The following CENPW variants were observed in gnomAD, a reference collection of about 807,000 sequenced individuals.
CENPW encodes cancer-up-regulated gene 2 protein.
A neutral mutation model predicts 11.1 loss-of-function variants in CENPW; 3 were observed. The observed-to-expected ratio is 0.27, with a 90% CI of 0.12 to 0.70. The LOEUF (loss-of-function observed/expected upper bound fraction) is 0.70. Ranked by LOEUF, CENPW falls within the 30% of genes least tolerant of loss-of-function variation. CENPW has a pLI of 0.77. For synonymous variants in CENPW, 38 were observed against 42.0 expected (o/e 0.91, Z 0.37); for missense variants, 100 against 105.6 (o/e 0.95, Z 0.23).
the CENPW span, among the ~76,000 whole-genome samples, chr6:126,428,032 C>G: frequency 5.3e-5 from 8 of 152,222 alleles, no homozygotes; most frequent in African/African-American, 1.9e-4. Context: ...ATGCTCTGCA[C>G]TAGCAATAGG....
chr6:126,378,838 G>GA, the CENPW span, among the ~76,000 whole-genome samples: 1 of 151,782 alleles, frequency 6.6e-6, no homozygotes, highest in Non-Finnish European at 1.5e-5. Flanking sequence ...TATTCTTTAA[G>GA]AAAAAAATCA....
chr6:126,451,981 A>G, the CENPW span, among the ~76,000 whole-genome samples: 1 of 150,742 alleles, frequency 6.6e-6, no homozygotes, highest in Admixed American at 6.6e-5. Context: ...TAACCAATAG[A>G]CCCCCCACCC....
At chr6:126,413,314 G>A in the CENPW span, among the ~76,000 whole-genome samples, 11 of 152,016 alleles carry the variant, frequency 7.2e-5, no homozygotes, top group African/African-American at 2.7e-4. Context: ...CACAAAGGGA[G>A]AATTCTAAAA....
chr6:126,363,953 C>A, the CENPW span, among the ~76,000 whole-genome samples: 2 of 152,292 alleles, frequency 1.3e-5, no homozygotes, highest in East Asian at 3.9e-4. Context: ...GGGACCTTCT[C>A]AAATTGTACT....
intron 1 of CENPW, among the ~76,000 whole-genome samples, chr6:126,342,587 T>G (rs1221543124): frequency 6.6e-6 from 1 of 152,130 alleles, no homozygotes; most frequent in African/African-American, 2.4e-5. Flanking sequence ...CTTGAAGATG[T>G]CTTCACTCTA....
At chr6:126,359,737 A>T in the CENPW span, among the ~76,000 whole-genome samples, 1 of 149,934 alleles carries the variant, frequency 6.7e-6, no homozygotes, top group African/African-American at 2.4e-5. Flanking sequence ...CAAGAATAGC[A>T]ACTCCTGCTT....
At chr6:126,375,569 G>A in the CENPW span, among the ~76,000 whole-genome samples, 1 of 152,006 alleles carries the variant, frequency 6.6e-6, no homozygotes, top group African/African-American at 2.4e-5. Flanking sequence ...TCCCGTCTTT[G>A]CTCTCCACAT....
chr6:126,376,556 TAG>T, the CENPW span, among the ~76,000 whole-genome samples: 1 of 152,018 alleles, frequency 6.6e-6, no homozygotes, highest in Non-Finnish European at 1.5e-5. Flanking sequence ...ATAACAGTAG[TAG>T]GGTTGACAGG....
chr6:126,348,731 T>A lies in CENPW; in HGVS notation c.*239T>A. The A allele has an allele frequency of 3.4e-6, 1 of 290,164 alleles. No homozygotes were observed. Among genetic ancestry groups the A allele is most frequent in the Non-Finnish European group, 6.4e-6 (1 of 157,006 alleles). The allele number at this position is 290,164 out of a possible 1,614,324, so 18.0% of individuals were successfully genotyped here. ...AATGTCCTCTAGTTCAGTTTGCTTT[T>A]GTTTTGTTGCTGCTGCAAATATTTT... On this transcript the variant is annotated 3_prime_UTR_variant, in exon 3 of 3. Transcript: ENST00000368328.
chr6:126,453,513 A>G, the CENPW span, among the ~76,000 whole-genome samples: 2 of 151,188 alleles, frequency 1.3e-5, no homozygotes, highest in South Asian at 2.1e-4. Context: ...TGCTAAGGGA[A>G]TTTTCTACCA....
chr6:126,410,971 C>T, the CENPW span, among the ~76,000 whole-genome samples: 146 of 152,128 alleles, frequency 9.6e-4, no homozygotes, highest in African/African-American at 3.3e-3. Flanking sequence ...ATACCTTTTC[C>T]ATCAAGTCAT....
chr6:126,413,610 A>G, the CENPW span, among the ~76,000 whole-genome samples: 2 of 152,064 alleles, frequency 1.3e-5, no homozygotes, highest in East Asian at 3.8e-4. Flanking sequence ...GAAATAAAAA[A>G]TATGATAATT....
At chr6:126,364,380 T>G in the CENPW span, among the ~76,000 whole-genome samples, 74 of 152,334 alleles carry the variant, frequency 4.9e-4, 1 homozygote, top group Non-Finnish European at 8.8e-4. Context: ...TATAGAGTTT[T>G]CTGTAGCATT....
the CENPW span, among the ~76,000 whole-genome samples, chr6:126,428,583 C>T: frequency 8.5e-5 from 13 of 152,090 alleles, no homozygotes; most frequent in African/African-American, 2.4e-4. Context: ...TGGGAACACC[C>T]GCTTTGCTCA....
At chr6:126,473,917 G>A in the CENPW span, among the ~76,000 whole-genome samples, 3 of 141,826 alleles carry the variant, frequency 2.1e-5, no homozygotes, top group African/African-American at 7.8e-5. Flanking sequence ...TATATGCATA[G>A]CATAGATATA....
chr6:126,482,093 T>C, the CENPW span, among the ~76,000 whole-genome samples: 1 of 152,116 alleles, frequency 6.6e-6, no homozygotes, highest in Non-Finnish European at 1.5e-5. Context: ...AATTCAGGAA[T>C]AACTTCTTTT....
At chr6:126,384,812 A>G in the CENPW span, among the ~76,000 whole-genome samples, 1 of 152,176 alleles carries the variant, frequency 6.6e-6, no homozygotes, top group African/African-American at 2.4e-5. Flanking sequence ...CAAAGAAACT[A>G]TCAATAGAGT....
chr6:126,370,754 C>CT, the CENPW span, among the ~76,000 whole-genome samples: 1,954 of 144,306 alleles, frequency 0.014, 34 homozygotes, highest in African/African-American at 0.04. Flanking sequence ...CAGTTTATTT[C>CT]TTTTTTTTTT....
At chr6:126,346,471 T>G (rs967060374) in intron 2 of CENPW, among the ~76,000 whole-genome samples, 153 bp downstream of exon 2, 1 of 152,232 alleles carries the variant, frequency 6.6e-6, no homozygotes, top group African/African-American at 2.4e-5. Flanking sequence ...TAAGGAGTTA[T>G]ATTTCCTCCA....
Sources: gnomAD v4.1 joint callset for allele counts (sites outside exome capture counted in the v4.1 genomes callset) on GRCh38, gnomAD v4.1.1 for gene constraint, MANE v1.5 for transcripts, NCBI Gene and HGNC (gene_info 2026-07-23, HGNC 2026-07-21) for gene names.